CCDC150: variants seen among roughly 807,000 people sequenced by gnomAD.
CCDC150 encodes the protein coiled-coil domain containing 150, also known as coiled-coil domain-containing protein 150.
In CCDC150, 151 loss-of-function variants were observed where a neutral mutation model predicts 156.5. The observed-to-expected ratio is 0.97, with a 90% CI of 0.85 to 1.10. CCDC150 has a LOEUF of 1.10. Ranked by LOEUF, CCDC150 falls within the 50% of genes least tolerant of loss-of-function variation. CCDC150 has a pLI of 0.00. For synonymous variants in CCDC150, 452 were observed against 429.4 expected, an observed-to-expected ratio of 1.05 and a Z score of -0.65; for missense variants, 1,312 against 1,268.1, an observed-to-expected ratio of 1.03 and a Z score of -0.53.
chr2:196,699,942 T>C (rs1469654300), intron 14 of CCDC150, among the ~76,000 whole-genome samples: 1 of 152,064 alleles, frequency 6.6e-6, no homozygotes, highest in Non-Finnish European at 1.5e-5. Flanking sequence ...TTCACACACT[T>C]AAAATAAAGG....
In CCDC150 at chr2:196,732,534, A is replaced by C; in HGVS notation, c.3278A>C (p.Lys1093Thr). The C allele has an allele frequency of 6.2e-7, 1 of 1,612,116 alleles. No individual in the cohort carries two copies. The highest frequency in any genetic ancestry group is 8.5e-7 in the Non-Finnish European group (1 of 1,178,236). ...RKQNLRPMPKKYHSEVQRK is the reference protein window; with the variant it reads ...RKQNLRPMPKTYHSEVQRK ...CAGAATCTTAGGCCCATGCCCAAGA[A>C]GTATCATTCTGAGGTACAGAGGAAG... Residue 1093 changes from lysine to threonine, a missense_variant, in exon 28 of 28, where the codon AAG (lysine) becomes ACG (threonine). Physicochemically the swap from Lys to Thr is moderately conservative, Grantham distance 78. Coordinates refer to ENST00000389175, the MANE Select transcript of CCDC150 (RefSeq NM_001080539.2).
chr2:196,729,659 A>G, intron 23 of CCDC150, 134 bp from the exon 24 acceptor site: 1 of 707,662 alleles, frequency 1.4e-6, no homozygotes, highest in Non-Finnish European at 2.4e-6. Flanking sequence ...AGTGGGCTAG[A>G]TGGGAAAGAA....
At position 196,719,479 on chromosome 2, in the gene CCDC150, T is replaced by G. The variant is rs1485101980; in HGVS notation, c.1996-18T>G. Reference sequence around the variant, plus strand: ...CAGAAAGGATCAAATGTCTTTGTGTTGTTTCATTTTCTGTTAGGTGGGAAA... The same window carrying G: ...CAGAAAGGATCAAATGTCTTTGTGTGGTTTCATTTTCTGTTAGGTGGGAAA... On this transcript the variant is annotated intron_variant, in intron 18 of 27. Transcript: ENST00000389175. 1 of 1,600,862 alleles carries G rather than the reference T, an allele frequency of 6.2e-7. No individual in the cohort carries two copies. Among genetic ancestry groups the G allele is most frequent in the Non-Finnish European group, 8.5e-7 (1 of 1,173,788 alleles).
chr2:196,729,655 C>T, intron 23 of CCDC150, 138 bp from the exon 24 acceptor site: 1 of 701,258 alleles, frequency 1.4e-6, no homozygotes, highest in South Asian at 1.9e-5. Flanking sequence ...GATCAGTGGG[C>T]TAGATGGGAA....
At position 196,729,175 on chromosome 2, in the gene CCDC150, T is replaced by C; in HGVS notation, c.2557-18T>C. On this transcript the variant is annotated intron_variant, in intron 22 of 27. Coordinates refer to ENST00000389175, the MANE Select transcript of CCDC150 (RefSeq NM_001080539.2). ...ATGGAAAGTAAAAATGTTTCAATTT[T>C]CTCCCTTGTGTTTTAAGCTGAAGAA... 1 of 1,582,148 alleles carries C rather than the reference T, an allele frequency of 6.3e-7. No individual in the cohort carries two copies.
At position 196,656,620 on chromosome 2, in the gene CCDC150, G is replaced by A; in HGVS notation, c.177-13G>A. 7 of 1,570,484 alleles carry A rather than the reference G, an allele frequency of 4.5e-6. No individual in the cohort carries two copies. The highest frequency in any genetic ancestry group is 6.1e-6 in the Non-Finnish European group (7 of 1,149,430). ...GCATTGCATAATATTGTTATATTGG[G>A]ATCTTTGTCCAGAGGCTATTTGGAA... On this transcript the variant is annotated splice_polypyrimidine_tract_variant and intron_variant, in intron 2 of 27. Coordinates refer to ENST00000389175, the MANE Select transcript of CCDC150 (RefSeq NM_001080539.2).
intron 14 of CCDC150, 28 bp downstream of exon 14, chr2:196,695,187 G>A (rs764613749): frequency 1.6e-6 from 2 of 1,218,060 alleles, no homozygotes; most frequent in Non-Finnish European, 2.4e-6. Flanking sequence ...AGTCTAAATA[G>A]CAATTAATGA....
rs1553562650 is a variant in CCDC150, at chr2:196,702,343, C to CAGTGTGTG, written c.1695+1163_1695+1164insAGTGTGTG. Among the ~76,000 whole-genome samples the CAGTGTGTG allele has an allele frequency of 9.0e-5, 13 of 143,790 alleles. No individual in the cohort carries two copies. The East Asian group carries it at 2.8e-3, about 31-fold the overall frequency. 94.3% of individuals were successfully genotyped at this position (143,790 alleles called of 152,430 possible). ...AGGGGATAGTTCCTTGACTGAAGTG[C>CAGTGTGTG]TGTGTGTGTGTGTGTGTGTGTGTGT... On this transcript the variant is annotated intron_variant, in intron 15 of 27. Coordinates refer to ENST00000389175, the MANE Select transcript of CCDC150 (RefSeq NM_001080539.2).
At position 196,677,483 on chromosome 2, in the gene CCDC150, A is replaced by G; in HGVS notation, c.1509+122A>G. The stretch of plus-strand genomic sequence containing the variant: ...ACCAAGCTGCAGGGAAAGGAGAGCT[A>G]TGAAGCTGGATGCCACTCAGAGCAC... On this transcript the variant is annotated intron_variant, in intron 13 of 27. Transcript: ENST00000389175. The G allele has an allele frequency of 4.4e-6, 3 of 678,304 alleles. No individual in the cohort carries two copies. In the South Asian group the frequency reaches 5.5e-5, roughly 12 times the overall value. The allele number at this position is 678,304 out of a possible 1,614,324, so 42.0% of individuals were successfully genotyped here.
At chr2:196,710,174 G>A (rs888029419) in intron 15 of CCDC150, among the ~76,000 whole-genome samples, 3 of 152,218 alleles carry the variant, frequency 2.0e-5, no homozygotes, top group Admixed American at 6.5e-5. Flanking sequence ...TGCCCAGTTC[G>A]AGCTTCCCTG....
At chr2:196,713,126 G>A (rs898796149) in intron 17 of CCDC150, 22 of 549,196 alleles carry the variant, frequency 4.0e-5, no homozygotes, top group Middle Eastern at 4.9e-4. Context: ...GTTAAAGGAG[G>A]CCTCATTAGA....
chr2:196,730,756 C>A, intron 25 of CCDC150, 103 bp from the exon 26 acceptor site: 2 of 816,804 alleles, frequency 2.4e-6, no homozygotes, highest in Non-Finnish European at 3.9e-6. Flanking sequence ...GAAGGCACTC[C>A]ATCCTATTTT....
intron 22 of CCDC150, chr2:196,727,364 C>CCACT (rs1698266933): frequency 6.6e-6 from 1 of 152,040 alleles, no homozygotes; most frequent in Non-Finnish European, 1.5e-5. Flanking sequence ...CGAGATGGTG[C>CCACT]CACTGCACTC....
intron 5 of CCDC150, among the ~76,000 whole-genome samples, chr2:196,659,618 T>C (rs770433720): frequency 2.0e-5 from 3 of 152,328 alleles, no homozygotes; most frequent in Non-Finnish European, 4.4e-5. Flanking sequence ...TAATTACTGA[T>C]AAAAGCTTGA....
chr2:196,669,059 TATAATACC>T (rs1319236452), intron 7 of CCDC150, among the ~76,000 whole-genome samples: 1 of 152,232 alleles, frequency 6.6e-6, no homozygotes, highest in East Asian at 1.9e-4. Context: ...GCTACTAGTA[TATAATACC>T]AAACTGTTCC....
intron 17 of CCDC150, among the ~76,000 whole-genome samples, chr2:196,714,566 G>A (rs1038347292): frequency 2.6e-5 from 4 of 152,168 alleles, no homozygotes; most frequent in African/African-American, 9.7e-5. Flanking sequence ...ATTGGACTTA[G>A]CTTCCCGGTC....
At chr2:196,654,082 A>G (rs964863750) in intron 2 of CCDC150, among the ~76,000 whole-genome samples, 2 of 152,208 alleles carry the variant, frequency 1.3e-5, no homozygotes, top group Non-Finnish European at 2.9e-5. Flanking sequence ...ACTCATTGCC[A>G]AGACATTCAT....
intron 10 of CCDC150, among the ~76,000 whole-genome samples, chr2:196,675,032 GAGGTAGAGTTGTGTTTTAACCT>G (rs1461304879): frequency 6.6e-6 from 1 of 152,112 alleles, no homozygotes; most frequent in Admixed American, 6.5e-5. Flanking sequence ...TAACTAGTAA[GAGGTAGAGTTGTGTTTTAACCT>G]AGGGTGACTC....
At chr2:196,689,642 T>G (rs1695323917) in intron 13 of CCDC150, among the ~76,000 whole-genome samples, 1 of 151,874 alleles carries the variant, frequency 6.6e-6, no homozygotes, top group Admixed American at 6.5e-5. Context: ...AAGGAGATTT[T>G]GGGCTGAGAC....
Sources: gnomAD v4.1 joint callset for allele counts (sites outside exome capture counted in the v4.1 genomes callset) on GRCh38, gnomAD v4.1.1 for gene constraint, MANE v1.5 for transcripts, NCBI Gene and HGNC (gene_info 2026-07-23, HGNC 2026-07-21) for gene names.